Variants in DAB1 observed in about 807,000 individuals in gnomAD.
DAB1 encodes DAB adaptor protein 1.
In DAB1, 15 loss-of-function variants were observed where a neutral mutation model predicts 64.6. That is an observed-to-expected ratio of 0.23 (90% CI 0.16 to 0.36). The LOEUF (loss-of-function observed/expected upper bound fraction) is 0.36, where lower values mean the gene tolerates loss of function less well. DAB1 is among the 10% of genes least tolerant of loss of function. The pLI is 1.00. For missense variants in DAB1, 596 were observed against 706.7 expected (o/e 0.84, Z 1.78); for synonymous variants, 235 against 251.9 (o/e 0.93, Z 0.64).
At chr1:57,566,088 C>G (rs777926126) in intron 7 of DAB1, among the ~76,000 whole-genome samples, 18 of 152,284 alleles carry the variant, frequency 1.2e-4, no homozygotes, top group South Asian at 2.1e-4. Flanking sequence ...TCAGACCACA[C>G]TGCAATCAAA....
intron 9 of DAB1, among the ~76,000 whole-genome samples, chr1:57,029,360 A>C (rs554115918): frequency 7.0e-4 from 106 of 152,338 alleles, no homozygotes; most frequent in Middle Eastern, 3.4e-3. Flanking sequence ...AGTTTGCTGC[A>C]AGGACAGGGC....
chr1:58,370,377 G>A (rs1327875112), intron 3 of DAB1, among the ~76,000 whole-genome samples: 2 of 2,048 alleles, frequency 9.8e-4, no homozygotes, highest in African/African-American at 6.2e-3. Context: ...GTGTGTGCGT[G>A]TGTGTGTGTG....
chr1:57,519,108 TG>T (rs1644496089), intron 7 of DAB1, among the ~76,000 whole-genome samples: 1 of 152,198 alleles, frequency 6.6e-6, no homozygotes, highest in South Asian at 2.1e-4. Flanking sequence ...CCTGTGATAA[TG>T]GCCCCCCAAA....
chr1:57,069,634 C>T (rs74794036), intron 7 of DAB1, among the ~76,000 whole-genome samples: 1,540 of 152,284 alleles, frequency 0.01, 25 homozygotes, highest in African/African-American at 0.036. Flanking sequence ...GTCTGCTGGT[C>T]AGTATTTCAG....
chr1:57,709,007 T>A (rs764500184), intron 6 of DAB1, among the ~76,000 whole-genome samples: 17 of 152,164 alleles, frequency 1.1e-4, no homozygotes, highest in South Asian at 2.1e-4. Flanking sequence ...CTGGTTCCAC[T>A]TCCTCCTAAG....
intron 1 of DAB1, among the ~76,000 whole-genome samples, chr1:57,314,869 G>A (rs1356935627): frequency 6.6e-6 from 1 of 152,068 alleles, no homozygotes. Flanking sequence ...AGGAAGAAAA[G>A]AGAGGATGGA....
rs1408786272 is a variant in DAB1 at position 57,562,819 on chromosome 1, G to T, written n.625+86773C>A. Among the ~76,000 whole-genome samples the T allele has an allele frequency of 3.3e-5, 5 of 152,188 alleles. No individual in the cohort carries two copies. In the East Asian group the frequency reaches 9.6e-4, roughly 29 times the overall value. The stretch of plus-strand genomic sequence containing the variant: ...TTCCATTAAACTGGAAGTTAAGATT[G>T]CATTTGGACACTTTGGGCTCCTCCT... On this transcript the variant is annotated intron_variant and non_coding_transcript_variant, in intron 7 of 20. Coordinates refer to the DAB1 transcript ENST00000485760.
intron 2 of DAB1, among the ~76,000 whole-genome samples, chr1:57,160,807 T>C (rs1041818052): frequency 2.0e-5 from 3 of 152,160 alleles, no homozygotes; most frequent in African/African-American, 7.2e-5. Flanking sequence ...TGCAGGATGA[T>C]TGTCGGAACT....
chr1:58,163,446 C>T (rs1655651575), intron 4 of DAB1, among the ~76,000 whole-genome samples: 1 of 152,170 alleles, frequency 6.6e-6, no homozygotes, highest in Non-Finnish European at 1.5e-5. Context: ...TCCACAACAT[C>T]TATAAAGCTG....
chr1:58,180,388 G>GTTTAA (rs757907156), intron 4 of DAB1, among the ~76,000 whole-genome samples: 29 of 145,938 alleles, frequency 2.0e-4, no homozygotes, highest in Non-Finnish European at 3.6e-4. Flanking sequence ...GACCTCCTGG[G>GTTTAA]CTTAAGTGAT....
At chr1:57,442,452 C>T (rs1276649026) in intron 7 of DAB1, among the ~76,000 whole-genome samples, 1 of 152,132 alleles carries the variant, frequency 6.6e-6, no homozygotes, top group East Asian at 1.9e-4. Context: ...TCCTGGTATT[C>T]AAACTTCCTA....
chr1:57,146,792 T>C (rs1376451789), intron 2 of DAB1, among the ~76,000 whole-genome samples: 1 of 152,194 alleles, frequency 6.6e-6, no homozygotes, highest in African/African-American at 2.4e-5. Flanking sequence ...ACAAATGTAT[T>C]TGCATTACGC....
At position 57,983,921 on chromosome 1, in the gene DAB1, C is replaced by A. The variant is rs529846366; in HGVS notation, n.388-99759G>T. Among the ~76,000 whole-genome samples the A allele has an allele frequency of 2.0e-5, 3 of 152,116 alleles. No homozygotes were observed. The East Asian group carries it at 5.8e-4, about 30-fold the overall frequency. ...GGCGTACATTTTCCCCAGAATAGTG[C>A]TATTTGTGTAAAGAAGATGCTGCTC... On this transcript the variant is annotated intron_variant and non_coding_transcript_variant, in intron 5 of 20. Coordinates refer to the DAB1 transcript ENST00000485760.
At chr1:58,093,587 C>G (rs1223831226) in intron 5 of DAB1, among the ~76,000 whole-genome samples, 1 of 151,840 alleles carries the variant, frequency 6.6e-6, no homozygotes, top group African/African-American at 2.4e-5. Context: ...GAAACCATCC[C>G]TGCCCACCCT....
intron 6 of DAB1, among the ~76,000 whole-genome samples, chr1:57,767,903 G>A (rs1416275846): frequency 6.6e-6 from 1 of 152,052 alleles, no homozygotes; most frequent in East Asian, 1.9e-4. Context: ...CTGGCCGGGG[G>A]TGGTAGCTCA....
chr1:57,596,689 T>A (rs896685772), intron 7 of DAB1, among the ~76,000 whole-genome samples: 1 of 152,120 alleles, frequency 6.6e-6, no homozygotes, highest in Non-Finnish European at 1.5e-5. Context: ...GAAGAAAGGA[T>A]ACAACAATAT....
intron 2 of DAB1, among the ~76,000 whole-genome samples, chr1:57,245,589 T>C (rs976220854): frequency 5.3e-5 from 8 of 152,224 alleles, no homozygotes; most frequent in African/African-American, 1.9e-4. Context: ...GCTTCATCCA[T>C]GTCCCTGCAA....
chr1:57,076,800 C>A (rs1172840033), intron 4 of DAB1, among the ~76,000 whole-genome samples: 2 of 152,192 alleles, frequency 1.3e-5, no homozygotes, highest in Non-Finnish European at 2.9e-5. Flanking sequence ...CCCTAGATCT[C>A]ACTGCATTAT....
intron 7 of DAB1, among the ~76,000 whole-genome samples, chr1:57,512,038 T>C (rs564524715): frequency 8.5e-5 from 13 of 152,318 alleles, no homozygotes; most frequent in African/African-American, 3.1e-4. Flanking sequence ...CACTAGGAGA[T>C]AGAAACTATG....
Sources: allele counts gnomAD v4.1 joint callset (sites outside exome capture counted in the v4.1 genomes callset), GRCh38; gene constraint gnomAD v4.1.1; transcripts MANE v1.5; gene names NCBI Gene and HGNC (gene_info 2026-07-23, HGNC 2026-07-21).